Variants in TOX observed in about 807,000 individuals in gnomAD.
TOX encodes the protein thymocyte selection associated high mobility group box, also known as thymocyte selection-associated high mobility group box protein TOX.
Under a neutral mutation model 53.7 loss-of-function variants are expected in TOX, and 11 were observed. That is an observed-to-expected ratio of 0.20 (90% CI 0.13 to 0.34). TOX has a LOEUF of 0.34. Ranked by LOEUF, TOX falls within the 10% of genes least tolerant of loss-of-function variation. TOX has a pLI of 1.00. For synonymous variants in TOX, 225 were observed against 245.3 expected (o/e 0.92, Z 0.77); for missense variants, 570 against 664.6 (o/e 0.86, Z 1.56).
intron 1 of TOX, among the ~76,000 whole-genome samples, chr8:59,085,128 A>G (rs1804483405): frequency 6.6e-6 from 1 of 152,196 alleles, no homozygotes; most frequent in Non-Finnish European, 1.5e-5. Context: ...CACTTACCAA[A>G]ACAGCCTTTG....
intron 3 of TOX, among the ~76,000 whole-genome samples, chr8:58,893,236 T>C (rs944635012): frequency 2.0e-5 from 3 of 152,278 alleles, no homozygotes; most frequent in East Asian, 3.9e-4. Flanking sequence ...CAGACAAACA[T>C]ACTCCTGTAA....
intron 1 of TOX, among the ~76,000 whole-genome samples, chr8:58,978,559 A>T (rs967119974): frequency 1.3e-5 from 2 of 151,960 alleles, no homozygotes; most frequent in East Asian, 3.9e-4. Context: ...CATTTTTACA[A>T]TAGCATATTG....
Position 59,117,459 on chromosome 8 carries a change from A to G in TOX, c.102+1427T>C, listed in dbSNP as rs1299009868. 6.6e-6 allele frequency among the ~76,000 whole-genome samples: 1 copy of G among 152,176 alleles called. No homozygotes were observed. Among genetic ancestry groups the G allele is most frequent in the Admixed American group, 6.5e-5 (1 of 15,292 alleles). ...CTCTTTTCTAACTTGCCTAAACACC[A>G]TCGGCACACAGCACAGTCCTTTGAG... is the stretch of plus-strand genomic sequence containing the variant. On this transcript the variant is annotated intron_variant, in intron 1 of 8. Coordinates refer to ENST00000361421, the MANE Select transcript of TOX (RefSeq NM_014729.3). This position sits in a 1 kb window ranked among gnomAD's most constrained non-coding sequence, Gnocchi z 4.6.
intron 3 of TOX, among the ~76,000 whole-genome samples, chr8:58,861,095 G>A (rs772851158): frequency 2.6e-5 from 4 of 152,158 alleles, no homozygotes; most frequent in African/African-American, 7.2e-5. Flanking sequence ...TTGACACACC[G>A]TGCTTCAGTG....
At chr8:59,037,552 C>T (rs1210274175) in intron 1 of TOX, among the ~76,000 whole-genome samples, 1 of 151,940 alleles carries the variant, frequency 6.6e-6, no homozygotes, top group Admixed American at 6.6e-5. Context: ...TTCTGTAATC[C>T]CAGCCCTTTG....
chr8:58,807,841 C>G, intron 8 of TOX, 58 bp from the exon 9 acceptor site: 1 of 1,594,622 alleles, frequency 6.3e-7, no homozygotes, highest in Non-Finnish European at 8.6e-7. Context: ...CTACAGGTGA[C>G]AATGGGGGGA....
intron 1 of TOX, among the ~76,000 whole-genome samples, chr8:59,099,743 G>C (rs1804772601): frequency 6.6e-6 from 1 of 152,166 alleles, no homozygotes; most frequent in South Asian, 2.1e-4. Context: ...GTTTATAAGA[G>C]ATGGCCAAAT....
intron 1 of TOX, among the ~76,000 whole-genome samples, chr8:59,006,819 G>T (rs926554803): frequency 6.6e-6 from 1 of 152,142 alleles, no homozygotes; most frequent in African/African-American, 2.4e-5. Flanking sequence ...TTTGTGCACA[G>T]ACATCCAGAC....
At chr8:58,927,659 A>T (rs1812187774) in intron 3 of TOX, among the ~76,000 whole-genome samples, 1 of 152,234 alleles carries the variant, frequency 6.6e-6, no homozygotes, top group Middle Eastern at 3.2e-3. Context: ...CGTGGTACAC[A>T]GATACCAGTA....
intron 3 of TOX, among the ~76,000 whole-genome samples, chr8:58,925,247 T>G (rs1227955645): frequency 6.6e-6 from 1 of 152,252 alleles, no homozygotes; most frequent in Non-Finnish European, 1.5e-5. Flanking sequence ...AGCATTACTT[T>G]GCAAATCATG....
intron 4 of TOX, among the ~76,000 whole-genome samples, chr8:58,849,563 C>G (rs1810773571): frequency 6.6e-6 from 1 of 152,012 alleles, no homozygotes; most frequent in Admixed American, 6.6e-5. Flanking sequence ...ATGGCAGAAC[C>G]CATGAATGTT....
intron 1 of TOX, among the ~76,000 whole-genome samples, chr8:59,116,647 C>T (rs565057920): frequency 1.1e-4 from 16 of 152,288 alleles, no homozygotes; most frequent in African/African-American, 3.1e-4. Flanking sequence ...CAGAGATGGG[C>T]CAGAGATGTC....
chr8:58,816,481 C>T (rs189135707), intron 6 of TOX, among the ~76,000 whole-genome samples: 7 of 152,220 alleles, frequency 4.6e-5, no homozygotes, highest in Admixed American at 4.6e-4. Context: ...TAAAACTGAA[C>T]ATTTCAGTAA....
intron 3 of TOX, among the ~76,000 whole-genome samples, chr8:58,863,607 C>T (rs1002994314): frequency 6.6e-6 from 1 of 152,152 alleles, no homozygotes; most frequent in South Asian, 2.1e-4. Context: ...AGTGTATGAT[C>T]TGATGATGTT....
chr8:58,856,030 A>C (rs1000990712), intron 3 of TOX, among the ~76,000 whole-genome samples: 2 of 152,216 alleles, frequency 1.3e-5, no homozygotes, highest in African/African-American at 2.4e-5. Flanking sequence ...GCTGCTTTGC[A>C]AAAGCCCACA....
At chr8:58,910,901 G>C (rs1811898899) in intron 3 of TOX, among the ~76,000 whole-genome samples, 1 of 152,130 alleles carries the variant, frequency 6.6e-6, no homozygotes, top group Admixed American at 6.5e-5. Flanking sequence ...GGTCAAATGA[G>C]GCTAGAGATC....
chr8:58,963,487 CCT>C (rs1416364982), intron 1 of TOX, among the ~76,000 whole-genome samples: 1 of 152,112 alleles, frequency 6.6e-6, no homozygotes, highest in Non-Finnish European at 1.5e-5. Flanking sequence ...TTCTGGGGAG[CCT>C]ACAATATACA....
chr8:58,874,251 T>C (rs2129170279), intron 3 of TOX, among the ~76,000 whole-genome samples: 1 of 152,098 alleles, frequency 6.6e-6, no homozygotes, highest in Non-Finnish European at 1.5e-5. Context: ...ACTTTTGGTA[T>C]TAAAATTTCA....
intron 1 of TOX, among the ~76,000 whole-genome samples, chr8:58,973,775 C>A (rs2129179914): frequency 6.6e-6 from 1 of 151,966 alleles, no homozygotes; most frequent in Middle Eastern, 3.4e-3. Context: ...ATACACAGTG[C>A]AACCCACATT....
Sources: allele counts gnomAD v4.1 joint callset (sites outside exome capture counted in the v4.1 genomes callset), GRCh38; gene constraint gnomAD v4.1.1; non-coding constraint Gnocchi (gnomAD v3.1); transcripts MANE v1.5; gene names NCBI Gene and HGNC (gene_info 2026-07-23, HGNC 2026-07-21).